The following CPB1 variants were observed in gnomAD, a reference collection of about 807,000 sequenced individuals.
The protein encoded by CPB1 is carboxypeptidase B.
A neutral mutation model predicts 51.4 loss-of-function variants in CPB1; 53 were observed. The observed-to-expected ratio is 1.03, with a 90% CI of 0.83 to 1.30. The LOEUF (loss-of-function observed/expected upper bound fraction) is 1.30. CPB1 is among the 50% of genes most tolerant of loss of function. The probability of loss-of-function intolerance (pLI) is 0.00; values close to 1 mark genes in which losing one functional copy is unlikely to be tolerated. For synonymous variants in CPB1, 189 were observed against 186.9 expected, an observed-to-expected ratio of 1.01 and a Z score of -0.09; for missense variants, 494 against 516.2, an observed-to-expected ratio of 0.96 and a Z score of 0.42.
intron 2 of CPB1, among the ~76,000 whole-genome samples, chr3:148,831,821 T>A (rs1458617886): frequency 6.6e-6 from 1 of 152,214 alleles, no homozygotes; most frequent in East Asian, 1.9e-4. Flanking sequence ...GACATACATC[T>A]CATTCACAAG....
chr3:148,837,009 GA>G (rs1039976448), intron 3 of CPB1, among the ~76,000 whole-genome samples: 5 of 151,810 alleles, frequency 3.3e-5, no homozygotes, highest in Non-Finnish European at 2.9e-5. Flanking sequence ...ATTATCATAG[GA>G]AAAAAATCAA....
Position 148,834,701 on chromosome 3 carries a change from A to G in CPB1, c.272+79A>G, listed in dbSNP as rs1291990170. Reference sequence around the variant, plus strand: ...GAGCCTTTGAATAACTCTGGGAAGGAAGAAATGAGACCAAGACCAATGCCT... The same window carrying G: ...GAGCCTTTGAATAACTCTGGGAAGGGAGAAATGAGACCAAGACCAATGCCT... On this transcript the variant is annotated intron_variant, in intron 3 of 10. Transcript: ENST00000282957. The G allele has an allele frequency of 3.5e-6, 5 of 1,408,700 alleles. No individual in the cohort carries two copies. The Admixed American group carries it at 9.6e-5, about 27-fold the overall frequency. The allele number at this position is 1,408,700 out of a possible 1,614,324, so 87.3% of individuals were successfully genotyped here. A position where few individuals can be genotyped will look rare whatever the true frequency, so the allele number is the denominator to read the frequency against.
intron 9 of CPB1, among the ~76,000 whole-genome samples, chr3:148,848,910 C>A (rs1357035043): frequency 6.6e-6 from 1 of 152,174 alleles, no homozygotes; most frequent in East Asian, 1.9e-4. Flanking sequence ...TTCCCATTTG[C>A]AAACTGCTTT....
Position 148,841,821 on chromosome 3 carries a change from A to C in CPB1, c.475-2A>C, listed in dbSNP as rs753565424. On this transcript the variant is annotated splice_acceptor_variant, in intron 5 of 10. Transcript: ENST00000282957. LOFTEE classifies it high-confidence loss of function. ...TTTCCCTTTTCCTTTTGTTTGCAAT[A>C]GGTTGGCAAAGCTGGACAAAATAAG... 3.7e-6 allele frequency: 6 copies of C among 1,612,998 alleles called. No homozygotes were observed. Among genetic ancestry groups the C allele is most frequent in the Non-Finnish European group, 1.7e-6 (2 of 1,179,078 alleles).
At chr3:148,840,309 AC>A (rs1417576660) in intron 3 of CPB1, among the ~76,000 whole-genome samples, 3 of 130,860 alleles carry the variant, frequency 2.3e-5, no homozygotes, top group African/African-American at 4.9e-5. Context: ...AGGAAGAAAG[AC>A]CAAAGATAGG....
intron 5 of CPB1, among the ~76,000 whole-genome samples, chr3:148,841,334 T>C (rs1296872540): frequency 1.3e-5 from 2 of 152,216 alleles, no homozygotes; most frequent in Non-Finnish European, 2.9e-5. Flanking sequence ...TCAGACAACA[T>C]TACAAAGCAC....
chr3:148,852,106 C>G (rs568536029), intron 9 of CPB1, among the ~76,000 whole-genome samples: 1 of 152,196 alleles, frequency 6.6e-6, no homozygotes, highest in Admixed American at 6.5e-5. Flanking sequence ...GTTTTAGCAA[C>G]AGTGACCTAG....
In CPB1 at chr3:148,841,903, C is replaced by T. The variant is rs1713097078; in HGVS notation, c.555C>T (p.Phe185=). 6.2e-7 allele frequency: 1 copy of T among 1,613,640 alleles called. No individual in the cohort carries two copies. Among genetic ancestry groups the T allele is most frequent in the African/African-American group, 1.3e-5 (1 of 75,046 alleles). The change falls in exon 6 of 11, where the codon TTC becomes TTT. Residue 185 remains phenylalanine (F), a synonymous_variant. Coordinates refer to ENST00000282957, the MANE Select transcript of CPB1 (RefSeq NM_001871.3). ...FHAREWISPA[F]CQWFVREAVR... ...CCAGAGAGTGGATTTCTCCTGCATT[C>T]TGCCAGTGGTTTGTAAGAGAGGTCA...
chr3:148,844,328 T>C (rs1264120670), intron 6 of CPB1, 150 bp from the exon 7 acceptor site: 5 of 543,028 alleles, frequency 9.2e-6, no homozygotes, highest in Non-Finnish European at 1.3e-5. Flanking sequence ...TGGTAGTAAT[T>C]TGCTGATTGC....
chr3:148,846,373 C>G (rs1713240488), intron 9 of CPB1, among the ~76,000 whole-genome samples: 1 of 151,710 alleles, frequency 6.6e-6, no homozygotes, highest in Admixed American at 6.6e-5. Flanking sequence ...ATTTATGAAA[C>G]ATCTGGCTGC....
At chr3:148,832,778 A>G (rs1214781442) in intron 2 of CPB1, among the ~76,000 whole-genome samples, 5 of 152,142 alleles carry the variant, frequency 3.3e-5, no homozygotes, top group Non-Finnish European at 7.4e-5. Flanking sequence ...TCCCAGTTCT[A>G]CAGGAAAGAG....
intron 9 of CPB1, among the ~76,000 whole-genome samples, chr3:148,847,014 T>C (rs960313350): frequency 4.7e-5 from 7 of 149,584 alleles, no homozygotes; most frequent in Non-Finnish European, 7.4e-5. Context: ...GTATAACTCA[T>C]GTAAATATAT....
At chr3:148,849,150 G>A (rs1576572652) in intron 9 of CPB1, among the ~76,000 whole-genome samples, 1 of 5,702 alleles carries the variant, frequency 1.8e-4, no homozygotes, top group East Asian at 2.4e-3. Flanking sequence ...TCAGCCTCCC[G>A]AGTAGCTGGG....
intron 2 of CPB1, among the ~76,000 whole-genome samples, chr3:148,831,450 T>C (rs1028943380): frequency 7.9e-5 from 12 of 152,278 alleles, no homozygotes; most frequent in African/African-American, 1.2e-4. Flanking sequence ...TCAAATGCAA[T>C]GTGAAGAAAC....
Position 148,840,695 on chromosome 3 carries a change from A to G in CPB1, c.282A>G (p.Ile94Met), listed in dbSNP as rs774611062. The change falls in exon 4 of 11, where the codon ATA becomes ATG. Residue 94 changes from isoleucine to methionine, a missense_variant. Physicochemically the swap from Ile to Met is conservative, Grantham distance 10. Coordinates refer to ENST00000282957, the MANE Select transcript of CPB1 (RefSeq NM_001871.3). ...CTTTGGTTCGTTGCAGGGTACTGAT[A>G]AGCAACCTGAGAAATGTGGTGGAGG... ...KQNELQYKVL[I>M]SNLRNVVEAQ... The G allele has an allele frequency of 6.2e-7, 1 of 1,614,140 alleles. No individual in the cohort carries two copies. The highest frequency in any genetic ancestry group is 1.1e-5 in the South Asian group (1 of 91,068).
intron 9 of CPB1, chr3:148,856,570 T>A (rs1049820770): frequency 6.6e-6 from 1 of 152,220 alleles, no homozygotes; most frequent in Admixed American, 6.5e-5. Context: ...TGGCTAATTC[T>A]CCTGCAGTAA....
intron 9 of CPB1, among the ~76,000 whole-genome samples, chr3:148,846,779 A>ATGTGTGTGTGTG (rs1326750214): frequency 9.6e-5 from 6 of 62,198 alleles, no homozygotes; most frequent in Non-Finnish European, 1.9e-4. Flanking sequence ...ATACACATAT[A>ATGTGTGTGTGTG]TATGTGTGTG....
intron 9 of CPB1, among the ~76,000 whole-genome samples, chr3:148,850,006 C>G (rs1713377477): frequency 1.3e-5 from 2 of 152,210 alleles, no homozygotes; most frequent in African/African-American, 4.8e-5. Flanking sequence ...TAATCCCACA[C>G]AGTACATCAT....
chr3:148,845,572 G>A lies in CPB1; in HGVS notation c.927G>A (p.Met309Ile), dbSNP rs866048233. Residue 309 changes from methionine (M) to isoleucine (I), a missense_variant, in exon 9 of 11, where the codon ATG (methionine) becomes ATA (isoleucine). By Grantham distance (10) the Met-to-Ile change is conservative (BLOSUM62 1). Coordinates refer to ENST00000282957, the MANE Select transcript of CPB1 (RefSeq NM_001871.3). ...AYLTIHSYSQ[M>I]MIYPYSYAYK... Reference sequence around the variant, plus strand: ...TGACAATCCACTCGTACTCCCAAATGATGATCTACCCTTACTCATATGCTT... The same window carrying A: ...TGACAATCCACTCGTACTCCCAAATAATGATCTACCCTTACTCATATGCTT... The A allele has an allele frequency of 6.2e-7, 1 of 1,613,892 alleles. No homozygotes were observed. The highest frequency in any genetic ancestry group is 8.5e-7 in the Non-Finnish European group (1 of 1,179,852).
Sources: gnomAD v4.1 joint callset for allele counts (sites outside exome capture counted in the v4.1 genomes callset) on GRCh38, gnomAD v4.1.1 for gene constraint, MANE v1.5 for transcripts, NCBI Gene and HGNC (gene_info 2026-07-23, HGNC 2026-07-21) for gene names.